PDZD2: variants seen among roughly 807,000 people sequenced by gnomAD.
PDZD2 encodes PDZ domain containing 2.
PDZD2 carries 90 observed loss-of-function variants against 220.7 expected under a neutral mutation model. That is an observed-to-expected ratio of 0.41 (90% confidence interval 0.34 to 0.49). PDZD2 has a LOEUF of 0.49. Ranked by LOEUF, PDZD2 falls within the 20% of genes least tolerant of loss-of-function variation. PDZD2 has a pLI of 0.28. For synonymous variants in PDZD2, 1,375 were observed against 1,450.5 expected (o/e 0.95, Z 1.18); for missense variants, 3,174 against 3,608.5 (o/e 0.88, Z 3.08).
At chr5:31,926,176 T>C (rs1290211893) in intron 2 of PDZD2, among the ~76,000 whole-genome samples, 1 of 151,078 alleles carries the variant, frequency 6.6e-6, no homozygotes, top group Non-Finnish European at 1.5e-5. Flanking sequence ...GCTATGATTG[T>C]GCCACTGTGC....
intron 1 of PDZD2, among the ~76,000 whole-genome samples, chr5:31,652,905 G>C (rs1216055240): frequency 6.6e-6 from 1 of 152,122 alleles, no homozygotes; most frequent in Non-Finnish European, 1.5e-5. Flanking sequence ...TCAGCTGCTT[G>C]GGAGGCTGAG....
chr5:31,858,741 TG>T (rs1168021566), intron 2 of PDZD2, among the ~76,000 whole-genome samples: 1 of 148,516 alleles, frequency 6.7e-6, no homozygotes, highest in Non-Finnish European at 1.5e-5. Context: ...CTTTATGAGA[TG>T]GAGTCTCCCT....
At chr5:31,890,131 T>G (rs1740882236) in intron 2 of PDZD2, among the ~76,000 whole-genome samples, 1 of 135,240 alleles carries the variant, frequency 7.4e-6, no homozygotes, top group Non-Finnish European at 1.6e-5. Context: ...TGTTCTTTTT[T>G]GTGATTTTTT....
At position 32,090,032 on chromosome 5, in the gene PDZD2, G is replaced by A. The variant is rs761389485; in HGVS notation, c.6584G>A (p.Arg2195Gln). 3.7e-5 allele frequency: 59 copies of A among 1,611,366 alleles called. No homozygotes were observed. Among genetic ancestry groups the A allele is most frequent in the East Asian group, 1.1e-4 (5 of 44,884 alleles). ...QGKSSLMSDS[R>Q]GVPRNSIPGG... is the part of the protein sequence containing the mutation. ...AAATCAAGCCTGATGTCAGACTCCC[G>A]AGGGGTGCCCAGAAACAGCATTCCA... Residue 2195 changes from arginine (R) to glutamine (Q), a missense_variant, in exon 20 of 25, where the codon CGA becomes CAA. Transcript: ENST00000438447. The surrounding 1 kb of genome is among the most constrained non-coding windows in gnomAD (Gnocchi z 4.3).
chr5:31,787,991 G>T lies in PDZD2; in HGVS notation c.-360-10898G>T, dbSNP rs373677256. Reference sequence around the variant, plus strand: ...GCAGTGCCTGGCAGAATCAACCCTTGTTGCATAAAAGGATAGATCAAATTC... The same window carrying T: ...GCAGTGCCTGGCAGAATCAACCCTTTTTGCATAAAAGGATAGATCAAATTC... On this transcript the variant is annotated intron_variant, in intron 1 of 24. Coordinates refer to ENST00000438447, the MANE Select transcript of PDZD2 (RefSeq NM_178140.4). Among the ~76,000 whole-genome samples, 28 of 152,168 alleles carry T rather than the reference G, an allele frequency of 1.8e-4. No homozygotes were observed. In the East Asian group the frequency reaches 5.0e-3, roughly 27 times the overall value.
intron 2 of PDZD2, among the ~76,000 whole-genome samples, chr5:31,834,621 C>G (rs1019259604): frequency 6.6e-6 from 1 of 151,910 alleles, no homozygotes; most frequent in Admixed American, 6.6e-5. Context: ...GTATTTCAAG[C>G]CCCACAGGTG....
intron 23 of PDZD2, 104 bp from the exon 24 acceptor site, chr5:32,101,001 G>C: frequency 1.3e-6 from 2 of 1,589,936 alleles, no homozygotes; most frequent in East Asian, 2.2e-5. Flanking sequence ...ACTTGAGTGT[G>C]CCAGAAGTAC....
chr5:32,001,840 G>T (rs1752130635), intron 5 of PDZD2, among the ~76,000 whole-genome samples: 1 of 152,198 alleles, frequency 6.6e-6, no homozygotes, highest in African/African-American at 2.4e-5. Context: ...TGTCTTAGCT[G>T]TAGGCCGATG....
intron 14 of PDZD2, among the ~76,000 whole-genome samples, chr5:32,065,459 C>G (rs908091275): frequency 2.0e-5 from 3 of 152,118 alleles, no homozygotes; most frequent in Non-Finnish European, 4.4e-5. Context: ...GCCAAGAGAC[C>G]TTGTGGGTCC....
In PDZD2 at chr5:31,739,030, T is replaced by G. The variant is rs1750081056; in HGVS notation, c.-360-59859T>G. 3.3e-5 allele frequency among the ~76,000 whole-genome samples: 5 copies of G among 152,186 alleles called. No individual in the cohort carries two copies. In the East Asian group the frequency reaches 9.7e-4, roughly 29 times the overall value. ...CCTCCTGAGTAGCTGGGACTACAGGTGTGTGCCACCATACCTGACTAATTT... is the reference window on the plus strand; with the variant it reads ...CCTCCTGAGTAGCTGGGACTACAGGGGTGTGCCACCATACCTGACTAATTT... On this transcript the variant is annotated intron_variant, in intron 1 of 24. Coordinates refer to ENST00000438447, the MANE Select transcript of PDZD2 (RefSeq NM_178140.4).
chr5:31,991,728 T>A (rs12522517), intron 3 of PDZD2, among the ~76,000 whole-genome samples: 23,685 of 152,128 alleles, frequency 0.16, 1,867 homozygotes, highest in Admixed American at 0.21. Context: ...GGCAAATACC[T>A]TTAAAACTGA....
At chr5:32,030,001 A>G (rs1754997008) in intron 6 of PDZD2, among the ~76,000 whole-genome samples, 1 of 152,224 alleles carries the variant, frequency 6.6e-6, no homozygotes, top group Admixed American at 6.5e-5. Flanking sequence ...AGTTGGAGGG[A>G]AATCAACCCG....
At chr5:31,721,840 G>T (rs764668107) in intron 1 of PDZD2, among the ~76,000 whole-genome samples, 2 of 152,084 alleles carry the variant, frequency 1.3e-5, no homozygotes, top group South Asian at 4.2e-4. Flanking sequence ...TTTTAATGGC[G>T]GAGATCGGTT....
At chr5:31,874,523 G>C (rs774024861) in intron 2 of PDZD2, among the ~76,000 whole-genome samples, 62 of 152,140 alleles carry the variant, frequency 4.1e-4, no homozygotes, top group Non-Finnish European at 7.5e-4. Context: ...CACTTTGGGA[G>C]GCCAGGGCAG....
chr5:31,707,650 C>T (rs75302843), intron 1 of PDZD2, among the ~76,000 whole-genome samples: 20,623 of 151,936 alleles, frequency 0.14, 1,512 homozygotes, highest in East Asian at 0.21. Context: ...CTTTTTTTAT[C>T]GGGGCCTCAC....
At chr5:31,771,659 C>T (rs1006429829) in intron 1 of PDZD2, among the ~76,000 whole-genome samples, 1 of 152,144 alleles carries the variant, frequency 6.6e-6, no homozygotes, top group East Asian at 1.9e-4. Flanking sequence ...TCAGCAAGAA[C>T]AAGAACAGTG....
At chr5:31,655,636 C>T (rs1745519871) in intron 1 of PDZD2, among the ~76,000 whole-genome samples, 1 of 151,940 alleles carries the variant, frequency 6.6e-6, no homozygotes, top group South Asian at 2.1e-4. Flanking sequence ...TGGCTTATAG[C>T]AGGCACTCAG....
At chr5:31,711,666 T>G (rs1319997286) in intron 1 of PDZD2, among the ~76,000 whole-genome samples, 2 of 152,144 alleles carry the variant, frequency 1.3e-5, no homozygotes, top group African/African-American at 4.8e-5. Context: ...TCGACAAGCC[T>G]CAGTTTCCTC....
At chr5:32,072,017 A>G (rs958597742) in intron 16 of PDZD2, 144 bp from the exon 17 acceptor site, 7 of 592,342 alleles carry the variant, frequency 1.2e-5, no homozygotes, top group Middle Eastern at 2.7e-4. Context: ...TCTGAGGTAC[A>G]TGGAGGTTGG....
Sources: allele counts gnomAD v4.1 joint callset (sites outside exome capture counted in the v4.1 genomes callset), GRCh38; gene constraint gnomAD v4.1.1; non-coding constraint Gnocchi (gnomAD v3.1); transcripts MANE v1.5; gene names NCBI Gene and HGNC (gene_info 2026-07-23, HGNC 2026-07-21).